Variants in CAMTA1 observed in about 807,000 individuals in gnomAD.
CAMTA1 encodes calmodulin-binding transcription activator 1.
Under a neutral mutation model 170.9 loss-of-function variants are expected in CAMTA1, and 27 were observed. The ratio of observed to expected loss-of-function variants is 0.16; its 90% CI spans 0.12 to 0.22. The LOEUF (loss-of-function observed/expected upper bound fraction) is 0.22, where lower values mean the gene tolerates loss of function less well. Ranked by LOEUF, CAMTA1 falls within the 10% of genes least tolerant of loss-of-function variation. The probability of loss-of-function intolerance (pLI) is 1.00; values close to 1 mark genes in which losing one functional copy is unlikely to be tolerated. For missense variants in CAMTA1, 1,619 were observed against 2,217.2 expected (o/e 0.73, Z 5.42); for synonymous variants, 833 against 891.5 (o/e 0.93, Z 1.17).
intron 22 of CAMTA1, among the ~76,000 whole-genome samples, chr1:7,758,205 CT>C (rs2096945502): frequency 6.6e-6 from 1 of 152,168 alleles, no homozygotes; most frequent in African/African-American, 2.4e-5. Context: ...GTTTTTGAAA[CT>C]TGTTAGTTTC....
At chr1:6,831,957 TA>T (rs1303758361) in intron 3 of CAMTA1, among the ~76,000 whole-genome samples, 1 of 152,216 alleles carries the variant, frequency 6.6e-6, no homozygotes, top group African/African-American at 2.4e-5. Flanking sequence ...ACTTACTCTT[TA>T]AAAATCTTGA....
In CAMTA1 at chr1:7,361,305, A is replaced by G. The variant is rs1172882445; in HGVS notation, c.439-106525A>G. On this transcript the variant is annotated intron_variant, in intron 5 of 22. Coordinates refer to ENST00000303635, the MANE Select transcript of CAMTA1 (RefSeq NM_015215.4). Reference sequence around the variant, plus strand: ...TGAGCTTGGGCCAGACCTGTCATCAATTCTGGTCAATGCGAACAGGACAGA... The same window carrying G: ...TGAGCTTGGGCCAGACCTGTCATCAGTTCTGGTCAATGCGAACAGGACAGA... Among the ~76,000 whole-genome samples the G allele has an allele frequency of 2.0e-5, 3 of 152,314 alleles. No individual in the cohort carries two copies. The East Asian group carries it at 5.8e-4, about 29-fold the overall frequency.
At chr1:7,654,798 TACACACACCCAC>T (rs138153079) in intron 7 of CAMTA1, among the ~76,000 whole-genome samples, 86,716 of 132,192 alleles carry the variant, frequency 0.66, 28,329 homozygotes, top group East Asian at 0.78. Context: ...CACACACCTA[TACACACACCCAC>T]ACACACCACA....
intron 5 of CAMTA1, among the ~76,000 whole-genome samples, chr1:7,306,759 A>G (rs2149584758): frequency 6.6e-6 from 1 of 152,030 alleles, no homozygotes; most frequent in East Asian, 1.9e-4. Flanking sequence ...GAGTTTTCCA[A>G]TATGTGACCG....
chr1:7,615,157 A>G (rs960877193), intron 6 of CAMTA1, among the ~76,000 whole-genome samples: 1 of 152,194 alleles, frequency 6.6e-6, no homozygotes, highest in African/African-American at 2.4e-5. Context: ...GGTGACTTCC[A>G]TCTTAAAGGG....
intron 11 of CAMTA1, among the ~76,000 whole-genome samples, chr1:7,688,190 G>T (rs1451354635): frequency 1.0e-5 from 1 of 99,524 alleles, no homozygotes; most frequent in African/African-American, 4.0e-5. Context: ...TGTATTTTTA[G>T]TACAGAGTTT....
intron 5 of CAMTA1, among the ~76,000 whole-genome samples, chr1:7,393,380 C>G (rs565373783): frequency 6.6e-6 from 1 of 152,278 alleles, no homozygotes; most frequent in South Asian, 2.1e-4. Context: ...ATCCTCTAGT[C>G]TCAGCCTTTC....
rs114279472 is a variant in CAMTA1 at position 7,741,601 on chromosome 1, C to T, written c.4182+3119C>T. On this transcript the variant is annotated intron_variant, in intron 16 of 22. Coordinates refer to ENST00000303635, the MANE Select transcript of CAMTA1 (RefSeq NM_015215.4). ...GTTAAGTTGGTAGGTAGCATAAAAA[C>T]GGGCTACAGAAGGACAGGTGCGGTG... 5.5e-3 allele frequency among the ~76,000 whole-genome samples: 841 copies of T among 151,844 alleles called. 14 individuals carry two copies. Among genetic ancestry groups the T allele is most frequent in the African/African-American group, 0.019 (804 of 41,388 alleles).
At chr1:7,223,357 C>T (rs968748109) in intron 4 of CAMTA1, among the ~76,000 whole-genome samples, 6 of 151,616 alleles carry the variant, frequency 4.0e-5, no homozygotes, top group Non-Finnish European at 8.8e-5. Context: ...TGATTGTGTG[C>T]GTATGTGTGT....
At chr1:7,603,531 C>T (rs1293171604) in intron 6 of CAMTA1, among the ~76,000 whole-genome samples, 2 of 152,070 alleles carry the variant, frequency 1.3e-5, no homozygotes, top group Admixed American at 1.3e-4. Flanking sequence ...TTTCCATTTG[C>T]TTGGTAGATC....
chr1:7,621,887 G>A (rs192263741), intron 6 of CAMTA1, among the ~76,000 whole-genome samples: 2 of 152,200 alleles, frequency 1.3e-5, no homozygotes, highest in African/African-American at 4.8e-5. Flanking sequence ...GCTCGGCCAC[G>A]TCTCGGCTCC....
In CAMTA1 at chr1:7,665,066, C is replaced by T. The variant is rs372979714; in HGVS notation, c.2519C>T (p.Ala840Val). The T allele has an allele frequency of 3.2e-6, 5 of 1,567,892 alleles. No homozygotes were observed. The highest frequency in any genetic ancestry group is 4.3e-6 in the Non-Finnish European group (5 of 1,156,756). Residue 840 changes from alanine (A) to valine (V), a missense_variant, in exon 9 of 23, where the codon GCC becomes GTC. By Grantham distance (64) the Ala-to-Val change is moderately conservative. Around this residue, in one of 8 missense-constraint regions of CAMTA1, gnomAD observed 731 missense variants for 907.6 expected, o/e 0.81. Transcript: ENST00000303635. This position sits in a 1 kb window ranked among gnomAD's most constrained non-coding sequence, Gnocchi z 4.3. ...CAGCTGAGCAGCTCGGAGGGCGGGG[C>T]CAGCACCATGGCCTACATGCACGTC... The part of the protein sequence containing the change: ...SLQLSSSEGG[A>V]STMAYMHVAE...
rs1277159406 is a variant in CAMTA1, at chr1:7,333,957, C to T, written c.438+84331C>T. ...AGCAGCAGGGCCGCCTCTCTTTAGA[C>T]TCCTGGGGCTCTCTGCTCTCCAGCC... On this transcript the variant is annotated intron_variant, in intron 5 of 22. Coordinates refer to ENST00000303635, the MANE Select transcript of CAMTA1 (RefSeq NM_015215.4). This position sits in a 1 kb window ranked among gnomAD's most constrained non-coding sequence, Gnocchi z 4.4. 3.9e-5 allele frequency among the ~76,000 whole-genome samples: 6 copies of T among 152,142 alleles called. No homozygotes were observed. The highest frequency in any genetic ancestry group is 1.4e-4 in the African/African-American group (6 of 41,412).
chr1:7,411,821 A>G (rs2090781040), intron 5 of CAMTA1, among the ~76,000 whole-genome samples: 1 of 151,810 alleles, frequency 6.6e-6, no homozygotes, highest in African/African-American at 2.4e-5. Context: ...GGTTTGTTAC[A>G]TATGTATACA....
chr1:7,378,489 G>T (rs2149046509), intron 5 of CAMTA1, among the ~76,000 whole-genome samples: 1 of 152,336 alleles, frequency 6.6e-6, no homozygotes. Flanking sequence ...ATTGCTGAGT[G>T]AAAGAAGTCA....
At chr1:6,858,023 A>G (rs1030051576) in intron 3 of CAMTA1, among the ~76,000 whole-genome samples, 1 of 152,222 alleles carries the variant, frequency 6.6e-6, no homozygotes, top group African/African-American at 2.4e-5. Flanking sequence ...GTAAATGCTC[A>G]ATAAAGAATT....
chr1:7,244,183 A>G (rs1340818541), intron 4 of CAMTA1, among the ~76,000 whole-genome samples: 1 of 152,206 alleles, frequency 6.6e-6, no homozygotes, highest in Non-Finnish European at 1.5e-5. Context: ...AATCAAAACC[A>G]CAATGAGATA....
At chr1:7,446,220 G>A (rs2092677562) in intron 5 of CAMTA1, among the ~76,000 whole-genome samples, 1 of 149,932 alleles carries the variant, frequency 6.7e-6, no homozygotes, top group Non-Finnish European at 1.5e-5. Context: ...GAGAGACCTA[G>A]AGGAAGTGAA....
At chr1:7,625,792 A>G (rs1451160302) in intron 6 of CAMTA1, among the ~76,000 whole-genome samples, 1 of 152,178 alleles carries the variant, frequency 6.6e-6, no homozygotes, top group African/African-American at 2.4e-5. Flanking sequence ...CTTCCTGCAA[A>G]GGCATGTGCT....
Sources: gnomAD v4.1 joint callset for allele counts (sites outside exome capture counted in the v4.1 genomes callset) on GRCh38, gnomAD v4.1.1 for gene constraint, gnomAD v4.1.1 regional missense constraint, Gnocchi (gnomAD v3.1) non-coding constraint, MANE v1.5 for transcripts, NCBI Gene and HGNC (gene_info 2026-07-23, HGNC 2026-07-21) for gene names.